DBR1: variants seen among roughly 807,000 people sequenced by gnomAD.
DBR1 encodes lariat debranching enzyme.
DBR1 carries 33 observed loss-of-function variants against 45.9 expected under a neutral mutation model. The ratio of observed to expected loss-of-function variants is 0.72; its 90% CI spans 0.55 to 0.96. The LOEUF (loss-of-function observed/expected upper bound fraction) is 0.96, where lower values mean the gene tolerates loss of function less well. Ranked by LOEUF, DBR1 falls within the 40% of genes least tolerant of loss-of-function variation. The probability of loss-of-function intolerance (pLI) is 0.00; values close to 1 mark genes in which losing one functional copy is unlikely to be tolerated. For synonymous variants in DBR1, 235 were observed against 235.9 expected, an observed-to-expected ratio of 1.00 and a Z score of 0.04; for missense variants, 619 against 667.4, an observed-to-expected ratio of 0.93 and a Z score of 0.80.
rs1015621379 is a variant in DBR1, at chr3:138,161,026, T to C, written c.*863A>G. On this transcript the variant is annotated 3_prime_UTR_variant, in exon 8 of 8. Transcript: ENST00000260803. ...GTTTACCAATGTTTAGTATTCAGAG[T>C]AGTTTATTTCCTGAAATCTTATATA... 1 of 152,074 alleles carries C rather than the reference T, an allele frequency of 6.6e-6. No individual in the cohort carries two copies. The highest frequency in any genetic ancestry group is 2.4e-5 in the African/African-American group (1 of 41,412). The allele number at this position is 152,074 out of a possible 1,614,324, so 9.4% of individuals were successfully genotyped here. A position where few individuals can be genotyped will look rare whatever the true frequency, so the allele number is the denominator to read the frequency against.
At chr3:138,171,793 G>A in intron 2 of DBR1, 80 bp from the exon 3 acceptor site, 1 of 1,021,102 alleles carries the variant, frequency 9.8e-7, no homozygotes, top group African/African-American at 1.6e-5. Flanking sequence ...CATTTAGATG[G>A]AATTCCACAC....
At chr3:138,166,992 T>G in intron 5 of DBR1, 89 bp downstream of exon 5, 1 of 1,190,584 alleles carries the variant, frequency 8.4e-7, no homozygotes, top group Admixed American at 2.1e-5. Context: ...AGTTATCTTT[T>G]ACTTCTTTCT....
At chr3:138,168,347 C>A (rs2042939611) in intron 4 of DBR1, among the ~76,000 whole-genome samples, 1 of 150,928 alleles carries the variant, frequency 6.6e-6, no homozygotes, top group African/African-American at 2.4e-5. Context: ...GGTGAAACCC[C>A]ATCTTTATTT....
chr3:138,162,030 C>A lies in DBR1; in HGVS notation c.1494G>T (p.Glu498Asp). The A allele has an allele frequency of 6.2e-7, 1 of 1,614,152 alleles. No individual in the cohort carries two copies. The highest frequency in any genetic ancestry group is 8.5e-7 in the Non-Finnish European group (1 of 1,180,030). ...DREGKPGGTV[E>D]SGNGEDLTKV... ...TGGTTAAGTCCTCTCCATTCCCTGA[C>A]TCCACAGTCCCACCAGGTTTCCCCT... The change falls in exon 8 of 8, where the codon GAG (glutamate) becomes GAT (aspartate). Residue 498 changes from glutamate to aspartate, a missense_variant. Transcript: ENST00000260803.
At position 138,162,052 on chromosome 3, in the gene DBR1, C is replaced by T. The variant is rs553810394; in HGVS notation, c.1472G>A (p.Gly491Glu). ...TGACTCCACAGTCCCACCAGGTTTC[C>T]CCTCTCTATCAATTGTGGAATCCAC... ...DTVDSTIDRE[G>E]KPGGTVESGN... Residue 491 changes from glycine to glutamate, a missense_variant, in exon 8 of 8, where the codon GGG (glycine) becomes GAG (glutamate). Physicochemically the swap from Gly to Glu is moderately conservative, Grantham distance 98. Around this residue, in one of 3 missense-constraint regions of DBR1, gnomAD observed 182 missense variants for 196.1 expected, o/e 0.93. Transcript: ENST00000260803. 2 of 1,614,072 alleles carry T rather than the reference C, an allele frequency of 1.2e-6. No individual in the cohort carries two copies. The highest frequency in any genetic ancestry group is 1.3e-5 in the African/African-American group (1 of 74,990).
At chr3:138,171,502 C>CAAAAAAAAAAAAAAAAAAAAAAAAA (rs2042954743) in intron 3 of DBR1, 131 bp downstream of exon 3, 2 of 188,998 alleles carry the variant, frequency 1.1e-5, no homozygotes, top group Non-Finnish European at 2.0e-5. Flanking sequence ...AAAAAAAAAG[C>CAAAAAAAAAAAAAAAAAAAAAAAAA]AAAATACTAA....
At position 138,167,190 on chromosome 3, in the gene DBR1, T is replaced by C. The variant is rs955723426; in HGVS notation, c.605A>G (p.Asn202Ser). The change falls in exon 5 of 8, where the codon AAT (asparagine) becomes AGT (serine). Residue 202 changes from asparagine (N) to serine (S), a missense_variant. Around this residue, in one of 3 missense-constraint regions of DBR1, gnomAD observed 430 missense variants for 447.7 expected, o/e 0.96. Transcript: ENST00000260803. ...GGCAGCTGGACTTCCTAATGTGTTATTTTCCACTTCTTGTCGGAAAAAAGA... is the reference window on the plus strand; with the variant it reads ...GGCAGCTGGACTTCCTAATGTGTTACTTTCCACTTCTTGTCGGAAAAAAGA... ...TKSFFRQEVE[N>S]NTLGSPAASE... The C allele has an allele frequency of 1.2e-6, 2 of 1,614,190 alleles. No individual in the cohort carries two copies. Among genetic ancestry groups the C allele is most frequent in the Non-Finnish European group, 1.7e-6 (2 of 1,180,030 alleles).
Position 138,174,833 on chromosome 3 carries a change from C to T in DBR1, c.-38G>A, listed in dbSNP as rs761218140. On this transcript the variant is annotated 5_prime_UTR_variant, in exon 1 of 8. Transcript: ENST00000260803. ...AGGAGGTGAGCGCTGCCTGCAACGCCCTACACCACAGCCAGCCCAGGACCG... is the reference window on the plus strand; with the variant it reads ...AGGAGGTGAGCGCTGCCTGCAACGCTCTACACCACAGCCAGCCCAGGACCG... The T allele has an allele frequency of 2.5e-6, 4 of 1,588,960 alleles. No individual in the cohort carries two copies.
rs566606756 is a variant in DBR1, at chr3:138,161,803, G to A, written c.*86C>T. On this transcript the variant is annotated 3_prime_UTR_variant, in exon 8 of 8. Transcript: ENST00000260803. ...GGAGGTTGCGGTGAGCCGAGATCAC[G>A]CCATTGCACTCCAGTCTAGGTGACA... The A allele has an allele frequency of 2.3e-4, 247 of 1,080,288 alleles. 3 individuals carry two copies. The East Asian group carries it at 2.3e-3, about 10-fold the overall frequency. 66.9% of individuals were successfully genotyped at this position (1,080,288 alleles called of 1,614,324 possible).
Position 138,171,638 on chromosome 3 carries a change from C to T in DBR1, c.398G>A (p.Arg133Gln), listed in dbSNP as rs139875059. The change falls in exon 3 of 8, where the codon CGA becomes CAA. Residue 133 changes from arginine (R) to glutamine (Q), a missense_variant. Arg to Gln is a conservative substitution (Grantham distance 43). Coordinates refer to ENST00000260803, the MANE Select transcript of DBR1 (RefSeq NM_016216.4). ...ISGIFKSHDY[R>Q]KGHFECPPYN... ...AATAATTCTCAAAACAATACCTTTT[C>T]GATAGTCATGAGATTTAAAGATACC... 59 of 1,610,012 alleles carry T rather than the reference C, an allele frequency of 3.7e-5. No individual in the cohort carries two copies. The highest frequency in any genetic ancestry group is 4.7e-5 in the Non-Finnish European group (55 of 1,176,726).
chr3:138,166,020 G>A (rs963237530), intron 5 of DBR1, among the ~76,000 whole-genome samples: 2 of 152,182 alleles, frequency 1.3e-5, no homozygotes, highest in Non-Finnish European at 2.9e-5. Context: ...CGTGTTTGAG[G>A]AACATTTTTA....
chr3:138,174,771 AGC>A lies in DBR1; in HGVS notation c.23_24del (p.Cys8LeufsTer7). 6.2e-7 allele frequency: 1 copy of A among 1,611,280 alleles called. No homozygotes were observed. The highest frequency in any genetic ancestry group is 8.5e-7 in the Non-Finnish European group (1 of 1,179,586). On this transcript the variant is annotated frameshift_variant, in exon 1 of 8. Coordinates refer to ENST00000260803, the MANE Select transcript of DBR1 (RefSeq NM_016216.4). LOFTEE classifies it high-confidence loss of function. MRVAVAG[C>X]CHGELDKIYE... is the part of the protein sequence containing the mutation. The stretch of plus-strand genomic sequence containing the variant: ...TAGATCTTATCCAGCTCGCCGTGGC[AGC>A]AGCCAGCCACAGCCACCCGCATTCT...
chr3:138,174,560 C>T (rs1181311802), intron 1 of DBR1, 39 bp downstream of exon 1: 2 of 1,424,192 alleles, frequency 1.4e-6, no homozygotes, highest in Non-Finnish European at 1.9e-6. Flanking sequence ...CCCAGTCCCA[C>T]CCCCCCACCG....
At chr3:138,167,922 G>A (rs2042937856) in intron 4 of DBR1, among the ~76,000 whole-genome samples, 1 of 152,004 alleles carries the variant, frequency 6.6e-6, no homozygotes, top group African/African-American at 2.4e-5. Flanking sequence ...ACTCCAGCCT[G>A]GGCCACAAGA....
At chr3:138,163,118 G>C (rs1197933713) in intron 7 of DBR1, among the ~76,000 whole-genome samples, 2 of 152,066 alleles carry the variant, frequency 1.3e-5, no homozygotes, top group Non-Finnish European at 2.9e-5. Context: ...AAATTAGCTG[G>C]GCATGGTGGT....
intron 3 of DBR1, among the ~76,000 whole-genome samples, chr3:138,171,139 T>C (rs1176315815): frequency 6.6e-6 from 1 of 152,098 alleles, no homozygotes; most frequent in Non-Finnish European, 1.5e-5. Context: ...TTTAATTGTA[T>C]CTATACTGTT....
At chr3:138,164,709 C>T (rs2107902579) in intron 5 of DBR1, among the ~76,000 whole-genome samples, 1 of 152,308 alleles carries the variant, frequency 6.6e-6, no homozygotes, top group Non-Finnish European at 1.5e-5. Context: ...TGCAGTGGCA[C>T]GATCTTGACT....
chr3:138,164,959 T>C (rs1483868412), intron 5 of DBR1, among the ~76,000 whole-genome samples: 1 of 152,126 alleles, frequency 6.6e-6, no homozygotes, highest in Non-Finnish European at 1.5e-5. Context: ...ATTAATTTTA[T>C]GCTATGTAAA....
chr3:138,163,702 T>TC, intron 6 of DBR1, 76 bp downstream of exon 6: 1 of 1,125,462 alleles, frequency 8.9e-7, no homozygotes, highest in Non-Finnish European at 1.2e-6. Flanking sequence ...ACAAAAAAAT[T>TC]CCGAAAGGAA....
Sources: gnomAD v4.1 joint callset for allele counts (sites outside exome capture counted in the v4.1 genomes callset) on GRCh38, gnomAD v4.1.1 for gene constraint, gnomAD v4.1.1 regional missense constraint, MANE v1.5 for transcripts, NCBI Gene and HGNC (gene_info 2026-07-23, HGNC 2026-07-21) for gene names.